DAB2: variants seen among roughly 807,000 people sequenced by gnomAD.
DAB2 encodes DAB adaptor protein 2.
In DAB2, 28 loss-of-function variants were observed where a neutral mutation model predicts 71.6. The ratio of observed to expected loss-of-function variants is 0.39; its 90% CI spans 0.29 to 0.54. The LOEUF (loss-of-function observed/expected upper bound fraction) is 0.54. Ranked by LOEUF, DAB2 falls within the 20% of genes least tolerant of loss-of-function variation. The pLI is 0.68. For synonymous variants in DAB2, 345 were observed against 339.7 expected (o/e 1.02, Z -0.17); for missense variants, 867 against 928.8 (o/e 0.93, Z 0.86).
intron 11 of DAB2, among the ~76,000 whole-genome samples, chr5:39,380,934 C>T (rs1327069059): frequency 6.6e-6 from 1 of 152,198 alleles, no homozygotes; most frequent in African/African-American, 2.4e-5. Context: ...CCTTACCATA[C>T]ACCTAGGAAC....
intron 1 of DAB2, among the ~76,000 whole-genome samples, chr5:39,413,556 G>A (rs1755778887): frequency 6.6e-6 from 1 of 152,104 alleles, no homozygotes; most frequent in Admixed American, 6.5e-5. Flanking sequence ...TATTTACTAA[G>A]ATAGTCCTGC....
chr5:39,423,465 A>G (rs941685107), intron 1 of DAB2, among the ~76,000 whole-genome samples: 1 of 152,156 alleles, frequency 6.6e-6, no homozygotes, highest in Non-Finnish European at 1.5e-5. Flanking sequence ...GTAGCCTCCC[A>G]AAGTCTGGCT....
chr5:39,423,182 G>A (rs1756028154), intron 1 of DAB2, among the ~76,000 whole-genome samples: 1 of 152,132 alleles, frequency 6.6e-6, no homozygotes, highest in Non-Finnish European at 1.5e-5. Context: ...AAAAGAAGGG[G>A]GAAGTTATTC....
chr5:39,413,209 G>C (rs971672663), intron 1 of DAB2, among the ~76,000 whole-genome samples: 1 of 151,988 alleles, frequency 6.6e-6, no homozygotes, highest in East Asian at 1.9e-4. Context: ...CAACATTGCC[G>C]GTTTCTTTCA....
intron 11 of DAB2, among the ~76,000 whole-genome samples, chr5:39,381,140 TG>T: frequency 6.6e-6 from 1 of 152,350 alleles, no homozygotes; most frequent in African/African-American, 2.4e-5. Flanking sequence ...AACCCTGTTT[TG>T]CTACTGAAGC....
intron 1 of DAB2, among the ~76,000 whole-genome samples, chr5:39,412,292 G>T (rs112544395): frequency 1.0e-3 from 152 of 152,124 alleles, no homozygotes; most frequent in African/African-American, 3.4e-3. Flanking sequence ...AGCCTTTTTT[G>T]TTGTTGTTGT....
chr5:39,379,816 A>G (rs767259771), intron 11 of DAB2, among the ~76,000 whole-genome samples: 3 of 151,150 alleles, frequency 2.0e-5, no homozygotes, highest in Non-Finnish European at 4.4e-5. Flanking sequence ...GATCCCTGCT[A>G]GTGGACAGGG....
At chr5:39,394,846 A>G (rs545331943) in intron 1 of DAB2, among the ~76,000 whole-genome samples, 4 of 152,314 alleles carry the variant, frequency 2.6e-5, no homozygotes, top group African/African-American at 9.6e-5. Context: ...TCTTCGGAAA[A>G]TTGCTTAACT....
At chr5:39,400,594 A>G (rs978798352) in intron 1 of DAB2, among the ~76,000 whole-genome samples, 1 of 152,134 alleles carries the variant, frequency 6.6e-6, no homozygotes, top group Non-Finnish European at 1.5e-5. Context: ...ATCCGCCATA[A>G]GCCATTGGGC....
chr5:39,386,014 G>A (rs947574756), intron 9 of DAB2, among the ~76,000 whole-genome samples: 3 of 152,180 alleles, frequency 2.0e-5, no homozygotes, highest in Non-Finnish European at 4.4e-5. Context: ...GGACATAAGT[G>A]ACACTCCTGC....
In DAB2 at chr5:39,422,335, T is replaced by A. The variant is rs1756009710; in HGVS notation, c.-102+2469A>T. Among the ~76,000 whole-genome samples the A allele has an allele frequency of 6.6e-6, 1 of 152,136 alleles. No individual in the cohort carries two copies. The highest frequency in any genetic ancestry group is 2.1e-4 in the South Asian group (1 of 4,824). On this transcript the variant is annotated intron_variant, in intron 1 of 14. Transcript: ENST00000320816. This position sits in a 1 kb window ranked among gnomAD's most constrained non-coding sequence, Gnocchi z 4.1. Reference sequence around the variant, plus strand: ...CAGTAAGCTTTCGAATCTTTCCAGCTGGGGAGGTATGTTCTGATGAGCATT... The same window carrying A: ...CAGTAAGCTTTCGAATCTTTCCAGCAGGGGAGGTATGTTCTGATGAGCATT...
chr5:39,381,726 AC>A, intron 10 of DAB2, 110 bp from the exon 11 acceptor site: 2 of 1,207,516 alleles, frequency 1.7e-6, no homozygotes, highest in Non-Finnish European at 1.2e-6. Context: ...AAAAAGGAAA[AC>A]TTTTTTCTTG....
At chr5:39,390,398 C>T in intron 5 of DAB2, 46 bp downstream of exon 5, 1 of 1,591,330 alleles carries the variant, frequency 6.3e-7, no homozygotes, top group Middle Eastern at 1.7e-4. Flanking sequence ...ACTCCAATGT[C>T]CACAGAGGAC....
intron 1 of DAB2, among the ~76,000 whole-genome samples, chr5:39,406,996 C>T (rs1032114238): frequency 2.0e-5 from 3 of 152,084 alleles, no homozygotes; most frequent in Middle Eastern, 3.2e-3. Context: ...TCTAAATATA[C>T]AATGTATTAT....
chr5:39,376,198 A>G (rs1754824445), intron 12 of DAB2, 92 bp from the exon 13 acceptor site: 1 of 963,910 alleles, frequency 1.0e-6, no homozygotes, highest in Middle Eastern at 2.1e-4. Flanking sequence ...GTTTAGTTCT[A>G]TACTTTTGAA....
rs1232598242 is a variant in DAB2 at position 39,372,480 on chromosome 5, T to C, written c.*951A>G. ...AGTTGAGTTCAATTTCTCTTGAACA[T>C]TAACTGCTCTTCTGGAACTTCAGCT... On this transcript the variant is annotated 3_prime_UTR_variant, in exon 15 of 15. Coordinates refer to ENST00000320816, the MANE Select transcript of DAB2 (RefSeq NM_001343.4). 6.6e-6 allele frequency: 1 copy of C among 152,224 alleles called. No homozygotes were observed. The highest frequency in any genetic ancestry group is 1.5e-5 in the Non-Finnish European group (1 of 68,048). 9.4% of individuals were successfully genotyped at this position (152,224 alleles called of 1,614,324 possible). A position where few individuals can be genotyped will look rare whatever the true frequency, so the allele number is the denominator to read the frequency against.
Position 39,381,613 on chromosome 5 carries a change from A to G in DAB2, c.1345T>C (p.Ser449Pro), listed in dbSNP as rs756878583. The G allele has an allele frequency of 6.2e-7, 1 of 1,613,902 alleles. No homozygotes were observed. The highest frequency in any genetic ancestry group is 8.5e-7 in the Non-Finnish European group (1 of 1,179,900). Residue 449 changes from serine to proline, a missense_variant, in exon 11 of 15, where the codon TCA becomes CCA. Around this residue, in one of 2 missense-constraint regions of DAB2, gnomAD observed 740 missense variants for 734.3 expected, o/e 1.01. Coordinates refer to ENST00000320816, the MANE Select transcript of DAB2 (RefSeq NM_001343.4). ...TCTGATGCAAGCAAGTCATTGGCTG[A>G]AGACTGACAGGACAGGGAGGGAGGG... ...PGRGRRTAKS[S>P]ANDLLASDIF...
At chr5:39,416,282 T>G (rs1755845818) in intron 1 of DAB2, among the ~76,000 whole-genome samples, 1 of 152,124 alleles carries the variant, frequency 6.6e-6, no homozygotes, top group African/African-American at 2.4e-5. Flanking sequence ...AACAACTCTT[T>G]ATGGGATGAG....
chr5:39,387,619 T>C (rs1299287998), intron 9 of DAB2: 1 of 152,162 alleles, frequency 6.6e-6, no homozygotes, highest in African/African-American at 2.4e-5. Flanking sequence ...ACATTTTCAT[T>C]AGAGGTATGT....
Sources: gnomAD v4.1 joint callset for allele counts (sites outside exome capture counted in the v4.1 genomes callset) on GRCh38, gnomAD v4.1.1 for gene constraint, gnomAD v4.1.1 regional missense constraint, Gnocchi (gnomAD v3.1) non-coding constraint, MANE v1.5 for transcripts, NCBI Gene and HGNC (gene_info 2026-07-23, HGNC 2026-07-21) for gene names.